The following PSKH2 variants were observed in gnomAD, a reference collection of about 807,000 sequenced individuals.
PSKH2 encodes the protein protein serine kinase H2.
In PSKH2, 16 loss-of-function variants were observed where a neutral mutation model predicts 22.5. The ratio of observed to expected loss-of-function variants is 0.71; its 90% CI spans 0.48 to 1.08. The LOEUF is 1.08. Among genes scored for constraint, PSKH2 ranks in the 50% least tolerant of loss-of-function variants. The pLI, the probability that PSKH2 is intolerant of heterozygous loss-of-function variation, is 0.00. For synonymous variants in PSKH2, 188 were observed against 184.8 expected (o/e 1.02, Z -0.14); for missense variants, 516 against 492.8 (o/e 1.05, Z -0.44).
chr8:86,065,756 T>G (rs924780541), intron 1 of PSKH2, among the ~76,000 whole-genome samples: 1 of 152,096 alleles, frequency 6.6e-6, no homozygotes, highest in African/African-American at 2.4e-5. Flanking sequence ...GAAGACTGTT[T>G]GAGCCTAGGA....
chr8:86,061,110 C>T (rs1464510356), intron 2 of PSKH2, among the ~76,000 whole-genome samples: 1 of 152,148 alleles, frequency 6.6e-6, no homozygotes, highest in Non-Finnish European at 1.5e-5. Context: ...TGCCCATTAG[C>T]CTCTGGACAA....
chr8:86,054,866 TA>T (rs1393536377), intron 2 of PSKH2, among the ~76,000 whole-genome samples: 1 of 152,176 alleles, frequency 6.6e-6, no homozygotes, highest in African/African-American at 2.4e-5. Flanking sequence ...TAAATTTAAG[TA>T]AAATTGGGTA....
intron 2 of PSKH2, among the ~76,000 whole-genome samples, chr8:86,049,862 G>C (rs1350399394): frequency 6.9e-6 from 1 of 144,930 alleles, no homozygotes; most frequent in Non-Finnish European, 1.5e-5. Context: ...AAGAAAGAAA[G>C]AAGGAAAGGA....
chr8:86,063,415 G>A (rs982292794), intron 2 of PSKH2, among the ~76,000 whole-genome samples: 3 of 152,150 alleles, frequency 2.0e-5, no homozygotes, highest in Non-Finnish European at 2.9e-5. Context: ...CATGAACACT[G>A]GGAGTTTCAA....
In PSKH2 at chr8:86,048,554, A is replaced by G. The variant is rs755315586; in HGVS notation, c.1066T>C (p.Ser356Pro). Residue 356 changes from serine to proline, a missense_variant, in exon 3 of 3, where the codon TCT becomes CCT. By Grantham distance (74) the Ser-to-Pro change is moderately conservative. Coordinates refer to ENST00000276616, the MANE Select transcript of PSKH2 (RefSeq NM_033126.3). ...PHSQSPGSAQ[S>P]SKSHYSHKSR... ...TTGTGAGAATAATGTGACTTAGAAG[A>G]CTGTGCAGATCCAGGACTCTGAGAG... The G allele has an allele frequency of 3.1e-6, 5 of 1,614,074 alleles. No individual in the cohort carries two copies. In the South Asian group the frequency reaches 5.5e-5, roughly 18 times the overall value.
At chr8:86,061,704 C>T (rs1450803963) in intron 2 of PSKH2, among the ~76,000 whole-genome samples, 1 of 152,120 alleles carries the variant, frequency 6.6e-6, no homozygotes, top group Admixed American at 6.6e-5. Context: ...CTAGGAGTCC[C>T]AGTGATCTAG....
At chr8:86,064,783 G>A in intron 1 of PSKH2, 152 bp from the exon 2 acceptor site, 1 of 696,002 alleles carries the variant, frequency 1.4e-6, no homozygotes, top group Non-Finnish European at 2.3e-6. Flanking sequence ...TTTTTGAAAG[G>A]TACCCCAAAT....
chr8:86,067,751 CAT>C, intron 1 of PSKH2, among the ~76,000 whole-genome samples: 1 of 152,156 alleles, frequency 6.6e-6, no homozygotes. Flanking sequence ...TAAATATACT[CAT>C]ATCTAAATTC....
At position 86,064,198 on chromosome 8, in the gene PSKH2, A is replaced by C; in HGVS notation, c.619T>G (p.Leu207Val). Residue 207 changes from leucine (L) to valine (V), a missense_variant, in exon 2 of 3, where the codon TTG (leucine) becomes GTG (valine). Physicochemically the swap from Leu to Val is conservative, Grantham distance 32 (BLOSUM62 1). Transcript: ENST00000276616. ...ESKILITDFG[L>V]AYSGKKSGDW... ...CCACTTTTTTTCCCGGAGTATGCCAAACCAAAATCTGTAATTAAAATTTTC... is the reference window on the plus strand; with the variant it reads ...CCACTTTTTTTCCCGGAGTATGCCACACCAAAATCTGTAATTAAAATTTTC... 1 of 1,614,152 alleles carries C rather than the reference A, an allele frequency of 6.2e-7. No individual in the cohort carries two copies. The highest frequency in any genetic ancestry group is 8.5e-7 in the Non-Finnish European group (1 of 1,180,042).
Position 86,048,472 on chromosome 8 carries a change from G to T in PSKH2, c.1148C>A (p.Ala383Glu), listed in dbSNP as rs140474080. Residue 383 changes from alanine to glutamate, a missense_variant, in exon 3 of 3, where the codon GCG (alanine) becomes GAG (glutamate). Ala to Glu is a moderately radical substitution (Grantham distance 107, BLOSUM62 -1). Transcript: ENST00000276616. ...NLRIVESPLS[A>E]LL ...TTAGAGGTCATCTGCTTACAAAAGC[G>T]CAGACAGTGGCGATTCTACTATCCT... 16 of 1,610,988 alleles carry T rather than the reference G, an allele frequency of 9.9e-6. No homozygotes were observed. Among genetic ancestry groups the T allele is most frequent in the Non-Finnish European group, 1.2e-5 (14 of 1,177,610 alleles).
intron 2 of PSKH2, among the ~76,000 whole-genome samples, chr8:86,062,243 A>G (rs1455576843): frequency 6.6e-6 from 1 of 152,240 alleles, no homozygotes; most frequent in Non-Finnish European, 1.5e-5. Flanking sequence ...ATACTCTATC[A>G]TATGGATGCT....
At position 86,047,956 on chromosome 8, in the gene PSKH2, C is replaced by T. The variant is rs1036672352; in HGVS notation, c.*506G>A. Among the ~76,000 whole-genome samples, 3 of 151,602 alleles carry T rather than the reference C, an allele frequency of 2.0e-5. No individual in the cohort carries two copies. Among genetic ancestry groups the T allele is most frequent in the Non-Finnish European group, 4.4e-5 (3 of 67,910 alleles). Reference sequence around the variant, plus strand: ...TTATATCTTATAGTTCTTTATAGGCCCCATAATTAATAATTTTTCATAAAT... The same window carrying T: ...TTATATCTTATAGTTCTTTATAGGCTCCATAATTAATAATTTTTCATAAAT... On this transcript the variant is annotated 3_prime_UTR_variant, in exon 3 of 3. Transcript: ENST00000276616.
At chr8:86,062,576 T>C (rs1237499266) in intron 2 of PSKH2, among the ~76,000 whole-genome samples, 1 of 152,030 alleles carries the variant, frequency 6.6e-6, no homozygotes, top group African/African-American at 2.4e-5. Context: ...CGAGATCTGA[T>C]GGTTTTATAA....
At chr8:86,066,680 C>CT (rs143102041) in intron 1 of PSKH2, among the ~76,000 whole-genome samples, 70 of 149,148 alleles carry the variant, frequency 4.7e-4, no homozygotes, top group African/African-American at 1.1e-3. Flanking sequence ...TTTCCTGTAA[C>CT]TTTTTTTTTT....
At chr8:86,068,788 G>T (rs1407146432) in intron 1 of PSKH2, among the ~76,000 whole-genome samples, 1 of 152,066 alleles carries the variant, frequency 6.6e-6, no homozygotes, top group Non-Finnish European at 1.5e-5. Flanking sequence ...AGGCAAAGCC[G>T]TCTTCCACCG....
At chr8:86,057,452 T>A (rs940294752) in intron 2 of PSKH2, among the ~76,000 whole-genome samples, 1 of 152,020 alleles carries the variant, frequency 6.6e-6, no homozygotes, top group Non-Finnish European at 1.5e-5. Flanking sequence ...AGTGGCCCGA[T>A]CTCAGCTCAC....
At chr8:86,051,012 C>T (rs1817622955) in intron 2 of PSKH2, among the ~76,000 whole-genome samples, 1 of 152,094 alleles carries the variant, frequency 6.6e-6, no homozygotes, top group African/African-American at 2.4e-5. Context: ...TCCCAAGTAA[C>T]TGTGACTGCA....
chr8:86,055,554 C>A (rs917796946), intron 2 of PSKH2, among the ~76,000 whole-genome samples: 1 of 152,176 alleles, frequency 6.6e-6, no homozygotes, highest in Non-Finnish European at 1.5e-5. Flanking sequence ...TTAAGCACCA[C>A]ATATTTTGGT....
chr8:86,053,780 G>A (rs1171081698), intron 2 of PSKH2, among the ~76,000 whole-genome samples: 1 of 152,138 alleles, frequency 6.6e-6, no homozygotes, highest in Non-Finnish European at 1.5e-5. Context: ...GGTGGCTCAT[G>A]CCTGCAATCC....
Sources: allele counts gnomAD v4.1 joint callset (sites outside exome capture counted in the v4.1 genomes callset), GRCh38; gene constraint gnomAD v4.1.1; transcripts MANE v1.5; gene names NCBI Gene and HGNC (gene_info 2026-07-23, HGNC 2026-07-21).